The following MAGI1 variants were observed in gnomAD, a reference collection of about 807,000 sequenced individuals.
MAGI1 encodes membrane-associated guanylate kinase, WW and PDZ domain-containing protein 1.
In MAGI1, 58 loss-of-function variants were observed where a neutral mutation model predicts 139.9. The ratio of observed to expected loss-of-function variants is 0.41; its 90% CI spans 0.34 to 0.52. MAGI1 has a LOEUF of 0.52. MAGI1 is among the 20% of genes least tolerant of loss of function. The pLI, the probability that MAGI1 is intolerant of heterozygous loss-of-function variation, is 0.12. For missense variants in MAGI1, 1,874 were observed against 1,901.6 expected, an observed-to-expected ratio of 0.99 and a Z score of 0.27; for synonymous variants, 812 against 737.9, an observed-to-expected ratio of 1.10 and a Z score of -1.63.
chr3:65,637,591 AG>A (rs1289772264), intron 1 of MAGI1, among the ~76,000 whole-genome samples: 1 of 151,672 alleles, frequency 6.6e-6, no homozygotes, highest in Non-Finnish European at 1.5e-5. Flanking sequence ...AAAGAAAGAA[AG>A]AAAGAAAGAA....
rs376948705 is a variant in MAGI1 at position 65,449,531 on chromosome 3, T to C, written c.1043-1474A>G. On this transcript the variant is annotated intron_variant, in intron 6 of 22. Transcript: ENST00000402939. Reference sequence around the variant, plus strand: ...GTCTCATGCCTGTAATCCTAGCACTTTGGGAGGCCAAAGTGGGTGGATCAC... The same window carrying C: ...GTCTCATGCCTGTAATCCTAGCACTCTGGGAGGCCAAAGTGGGTGGATCAC... 5.3e-5 allele frequency among the ~76,000 whole-genome samples: 8 copies of C among 152,172 alleles called. No individual in the cohort carries two copies. In the South Asian group the frequency reaches 1.0e-3, roughly 20 times the overall value.
chr3:65,672,873 G>A (rs944208729), intron 1 of MAGI1, among the ~76,000 whole-genome samples: 1 of 152,184 alleles, frequency 6.6e-6, no homozygotes, highest in Non-Finnish European at 1.5e-5. Flanking sequence ...AATTCTTTAT[G>A]AGTATAAAAT....
intron 1 of MAGI1, among the ~76,000 whole-genome samples, chr3:65,993,268 C>T (rs1421076226): frequency 6.6e-6 from 1 of 152,082 alleles, no homozygotes; most frequent in Non-Finnish European, 1.5e-5. Context: ...ATGGTTTTAC[C>T]AGCAACCCAT....
intron 1 of MAGI1, among the ~76,000 whole-genome samples, chr3:65,744,310 G>A (rs140992083): frequency 3.2e-4 from 49 of 152,270 alleles, no homozygotes; most frequent in African/African-American, 1.2e-3. Flanking sequence ...ACAGAGAACT[G>A]GTTTGCATAG....
chr3:65,866,630 T>C (rs1022623794), intron 1 of MAGI1, among the ~76,000 whole-genome samples: 1 of 152,116 alleles, frequency 6.6e-6, no homozygotes, highest in African/African-American at 2.4e-5. Context: ...ATCTCATTTA[T>C]ATATATACAT....
In MAGI1 at chr3:65,401,652, GAGGAGAGCGAGAGGC is replaced by G. The variant is rs375942035; in HGVS notation, c.2168-197_2168-183del. On this transcript the variant is annotated intron_variant, in intron 12 of 22. Coordinates refer to ENST00000402939, the MANE Select transcript of MAGI1 (RefSeq NM_001033057.2). ...TCATATCGAATCAAAGCAGAGGGAG[GAGGAGAGCGAGAGGC>G]AGGAGATCTATCTGCATTAGCTATG... 942 of 1,548,562 alleles carry G rather than the reference GAGGAGAGCGAGAGGC, an allele frequency of 6.1e-4. 6 individuals carry two copies. The African/African-American group carries it at 0.011, about 18-fold the overall frequency.
At chr3:65,418,629 C>T (rs1339201707) in intron 12 of MAGI1, among the ~76,000 whole-genome samples, 1 of 152,152 alleles carries the variant, frequency 6.6e-6, no homozygotes, top group Admixed American at 6.5e-5. Context: ...CCAATCATTA[C>T]TTTCTTCCTG....
At chr3:65,705,903 C>A (rs2030180611) in intron 1 of MAGI1, among the ~76,000 whole-genome samples, 1 of 152,114 alleles carries the variant, frequency 6.6e-6, no homozygotes, top group Non-Finnish European at 1.5e-5. Flanking sequence ...AAAATAAATT[C>A]TTATGGTGAA....
chr3:65,531,907 A>T lies in MAGI1; in HGVS notation c.431-38276T>A, dbSNP rs554936363. On this transcript the variant is annotated intron_variant, in intron 2 of 22. Coordinates refer to ENST00000402939, the MANE Select transcript of MAGI1 (RefSeq NM_001033057.2). ...GGTCCACTTCTCATTGTAAGTTTTCAATAAAGAATTAGCCATCACTATTAT... is the reference window on the plus strand; with the variant it reads ...GGTCCACTTCTCATTGTAAGTTTTCTATAAAGAATTAGCCATCACTATTAT... Among the ~76,000 whole-genome samples the T allele has an allele frequency of 4.6e-5, 7 of 152,330 alleles. No individual in the cohort carries two copies. In the South Asian group the frequency reaches 1.2e-3, roughly 27 times the overall value.
chr3:65,520,855 T>A lies in MAGI1; in HGVS notation c.431-27224A>T, dbSNP rs1458361357. ...CGTGACTTATAAACCATGGTAGTCA[T>A]GGGAGCTAACTCAATATCACCAACC... On this transcript the variant is annotated intron_variant, in intron 2 of 22. Transcript: ENST00000402939. Among the ~76,000 whole-genome samples, 5 of 152,344 alleles carry A rather than the reference T, an allele frequency of 3.3e-5. No individual in the cohort carries two copies. The East Asian group carries it at 9.6e-4, about 29-fold the overall frequency.
chr3:65,383,109 A>G (rs1041260749), intron 15 of MAGI1, among the ~76,000 whole-genome samples: 2 of 152,134 alleles, frequency 1.3e-5, no homozygotes, highest in African/African-American at 4.8e-5. Context: ...ACATTCTCCA[A>G]TCACTGTCTC....
intron 2 of MAGI1, among the ~76,000 whole-genome samples, chr3:65,535,379 G>T (rs1473391231): frequency 1.3e-5 from 2 of 152,164 alleles, no homozygotes; most frequent in Non-Finnish European, 2.9e-5. Context: ...CTTGTCTCTT[G>T]CAGCTCTGAA....
intron 1 of MAGI1, 52 bp downstream of exon 1, chr3:66,037,944 C>T (rs1310311327): frequency 7.9e-6 from 12 of 1,516,886 alleles, no homozygotes; most frequent in Non-Finnish European, 1.1e-5. Context: ...GGGCAGCCCA[C>T]AGACCACCCT....
At chr3:65,456,123 G>A (rs1949372350) in intron 5 of MAGI1, among the ~76,000 whole-genome samples, 2 of 152,230 alleles carry the variant, frequency 1.3e-5, no homozygotes, top group African/African-American at 4.8e-5. Flanking sequence ...AATCCCACCA[G>A]CAATGGATGA....
At chr3:65,663,762 C>T (rs1156240888) in intron 1 of MAGI1, among the ~76,000 whole-genome samples, 1 of 152,114 alleles carries the variant, frequency 6.6e-6, no homozygotes, top group Non-Finnish European at 1.5e-5. Flanking sequence ...TCCTTGTGCA[C>T]TGTAAGATGT....
chr3:65,441,722 C>A (rs1199954842), intron 8 of MAGI1, among the ~76,000 whole-genome samples: 1 of 152,174 alleles, frequency 6.6e-6, no homozygotes, highest in Non-Finnish European at 1.5e-5. Flanking sequence ...GTCAGAGGGG[C>A]AGCCAAGTTT....
chr3:65,426,957 G>A (rs1466664225), intron 12 of MAGI1, among the ~76,000 whole-genome samples: 1 of 152,160 alleles, frequency 6.6e-6, no homozygotes, highest in Non-Finnish European at 1.5e-5. Context: ...GTTATAAAAT[G>A]TAACACCATT....
intron 1 of MAGI1, among the ~76,000 whole-genome samples, chr3:65,871,340 T>G (rs890384275): frequency 2.0e-5 from 3 of 152,096 alleles, no homozygotes; most frequent in African/African-American, 7.2e-5. Context: ...TTGGGGGTTG[T>G]GGGAGAGAAG....
intron 5 of MAGI1, among the ~76,000 whole-genome samples, chr3:65,469,188 A>G (rs956479712): frequency 8.5e-5 from 13 of 152,172 alleles, no homozygotes; most frequent in African/African-American, 2.9e-4. Context: ...ATGTGTGTAT[A>G]CATGTATAAT....
Sources: gnomAD v4.1 joint callset for allele counts (sites outside exome capture counted in the v4.1 genomes callset) on GRCh38, gnomAD v4.1.1 for gene constraint, MANE v1.5 for transcripts, NCBI Gene and HGNC (gene_info 2026-07-23, HGNC 2026-07-21) for gene names.